The following FBLN2 variants were observed in gnomAD, a reference collection of about 807,000 sequenced individuals.
FBLN2 encodes fibulin-2.
Under a neutral mutation model 123.7 loss-of-function variants are expected in FBLN2, and 81 were observed. The observed-to-expected ratio is 0.65, with a 90% CI of 0.55 to 0.79. The LOEUF is 0.79. Among genes scored for constraint, FBLN2 ranks in the 30% least tolerant of loss-of-function variants. The pLI, the probability that FBLN2 is intolerant of heterozygous loss-of-function variation, is 0.00. For synonymous variants in FBLN2, 699 were observed against 701.4 expected, an observed-to-expected ratio of 1.00 and a Z score of 0.05; for missense variants, 1,603 against 1,681.3, an observed-to-expected ratio of 0.95 and a Z score of 0.81.
At chr3:13,571,919 C>T (rs550773629) in intron 2 of FBLN2, among the ~76,000 whole-genome samples, 5 of 152,160 alleles carry the variant, frequency 3.3e-5, no homozygotes, top group South Asian at 4.2e-4. Context: ...GGTAGGGCTG[C>T]GGTAGTGGTC....
At position 13,637,777 on chromosome 3, in the gene FBLN2, A is replaced by T; in HGVS notation, c.3554A>T (p.Tyr1185Phe). The T allele has an allele frequency of 1.2e-6, 2 of 1,613,928 alleles. No homozygotes were observed. The highest frequency in any genetic ancestry group is 8.5e-7 in the Non-Finnish European group (1 of 1,179,840). Residue 1185 changes from tyrosine (Y) to phenylalanine (F), a missense_variant, in exon 18 of 18, where the codon TAC becomes TTC. Coordinates refer to ENST00000404922, the MANE Select transcript of FBLN2 (RefSeq NM_001004019.2). ...TTTGGCACGCGCAGGCTCAATGCCTACACGGGTGTGGTCTACCTGCAGCGG... is the reference window on the plus strand; with the variant it reads ...TTTGGCACGCGCAGGCTCAATGCCTTCACGGGTGTGGTCTACCTGCAGCGG... ...GYFGTRRLNA[Y>F]TGVVYLQRAV...
chr3:13,554,279 A>T (rs1246008985), intron 1 of FBLN2, among the ~76,000 whole-genome samples: 1 of 152,080 alleles, frequency 6.6e-6, no homozygotes, highest in African/African-American at 2.4e-5. Context: ...AGACACCATC[A>T]TCTGTGTTGG....
At chr3:13,575,961 G>A (rs1704126726) in intron 2 of FBLN2, among the ~76,000 whole-genome samples, 1 of 152,180 alleles carries the variant, frequency 6.6e-6, no homozygotes, top group African/African-American at 2.4e-5. Context: ...CAGCTTGTTG[G>A]GAGGATCATA....
At chr3:13,563,289 G>C (rs1325495444) in intron 1 of FBLN2, among the ~76,000 whole-genome samples, 1 of 152,190 alleles carries the variant, frequency 6.6e-6, no homozygotes, top group Non-Finnish European at 1.5e-5. Context: ...TCACCTGGAG[G>C]TGCACATGTC....
At chr3:13,592,307 T>C (rs1460563982) in intron 2 of FBLN2, among the ~76,000 whole-genome samples, 2 of 152,046 alleles carry the variant, frequency 1.3e-5, no homozygotes, top group Non-Finnish European at 2.9e-5. Context: ...ATTACAGGCG[T>C]GAGCCACCAC....
At chr3:13,632,724 G>GT (rs1706298694) in intron 16 of FBLN2, among the ~76,000 whole-genome samples, 1 of 152,094 alleles carries the variant, frequency 6.6e-6, no homozygotes, top group Admixed American at 6.5e-5. Flanking sequence ...TATCAGAGTC[G>GT]TAAGTTAAGT....
rs1303039872 is a variant in FBLN2 at position 13,638,107 on chromosome 3, C to A, written c.*188C>A. ...GAAGTTCCACGGCAGGTGGTGCGTT[C>A]CCACGCAGGCACCAAGTGGAAGCTT... On this transcript the variant is annotated 3_prime_UTR_variant, in exon 18 of 18. Transcript: ENST00000404922. The A allele has an allele frequency of 1.5e-6, 1 of 672,902 alleles. No homozygotes were observed. Among genetic ancestry groups the A allele is most frequent in the Non-Finnish European group, 2.6e-6 (1 of 387,650 alleles). 41.7% of individuals were successfully genotyped at this position (672,902 alleles called of 1,614,324 possible).
Position 13,629,266 on chromosome 3 carries a change from G to A in FBLN2, c.2816G>A (p.Arg939Gln), listed in dbSNP as rs1435955983. 7 of 1,611,478 alleles carry A rather than the reference G, an allele frequency of 4.3e-6. No homozygotes were observed. In the African/African-American group the frequency reaches 5.3e-5, roughly 12 times the overall value. The change falls in exon 13 of 18, where the codon CGG becomes CAG. Residue 939 changes from arginine (R) to glutamine (Q), a missense_variant. By Grantham distance (43) the Arg-to-Gln change is conservative (BLOSUM62 1). Coordinates refer to ENST00000404922, the MANE Select transcript of FBLN2 (RefSeq NM_001004019.2). ...TGTGACTGCAAAGCCGGCTTTCAGC[G>A]GGATGCCTTTGGCCGGGGCTGCATC... ...YRCDCKAGFQ[R>Q]DAFGRGCIDV...
intron 5 of FBLN2, among the ~76,000 whole-genome samples, chr3:13,615,531 G>T (rs1303200011): frequency 2.0e-5 from 3 of 152,226 alleles, no homozygotes; most frequent in Non-Finnish European, 4.4e-5. Context: ...CCTGGGGCAG[G>T]TCACACAGAA....
At chr3:13,551,643 C>A (rs981250054) in intron 1 of FBLN2, among the ~76,000 whole-genome samples, 4 of 152,144 alleles carry the variant, frequency 2.6e-5, no homozygotes, top group African/African-American at 7.2e-5. Context: ...CTGAGCCCAT[C>A]CACACCTCAC....
intron 2 of FBLN2, among the ~76,000 whole-genome samples, chr3:13,572,076 C>T (rs964031276): frequency 4.5e-4 from 68 of 152,244 alleles, no homozygotes; most frequent in Admixed American, 7.8e-4. Context: ...GGCCTAGGAG[C>T]CTAGCATGGC....
chr3:13,578,324 G>A (rs1704213292), intron 2 of FBLN2, among the ~76,000 whole-genome samples: 1 of 152,126 alleles, frequency 6.6e-6, no homozygotes, highest in Admixed American at 6.6e-5. Context: ...ACTCCAGAAA[G>A]ACACCCACAT....
chr3:13,576,820 A>G (rs1022710366), intron 2 of FBLN2, among the ~76,000 whole-genome samples: 1 of 151,906 alleles, frequency 6.6e-6, no homozygotes, highest in Non-Finnish European at 1.5e-5. Flanking sequence ...AGAGAATATG[A>G]GAGGTATGGT....
intron 1 of FBLN2, among the ~76,000 whole-genome samples, chr3:13,552,131 G>T (rs886982797): frequency 6.6e-6 from 1 of 152,128 alleles, no homozygotes; most frequent in Non-Finnish European, 1.5e-5. Flanking sequence ...GCTGCTGGTG[G>T]ATTCTGGTTT....
chr3:13,614,493 TC>T (rs1221623850), intron 5 of FBLN2, among the ~76,000 whole-genome samples: 4 of 151,916 alleles, frequency 2.6e-5, no homozygotes, highest in African/African-American at 9.7e-5. Context: ...TGCACTTGTC[TC>T]CCACCCATCC....
At chr3:13,603,209 C>G (rs758495898) in intron 2 of FBLN2, among the ~76,000 whole-genome samples, 2 of 149,160 alleles carry the variant, frequency 1.3e-5, no homozygotes, top group Non-Finnish European at 3.0e-5. Context: ...CTACGCCTGG[C>G]CTCCTTTTTT....
intron 2 of FBLN2, among the ~76,000 whole-genome samples, chr3:13,587,294 T>A (rs1327176926): frequency 6.6e-6 from 1 of 152,138 alleles, no homozygotes; most frequent in African/African-American, 2.4e-5. Flanking sequence ...AAAATTAAAA[T>A]TTATAAAGTA....
chr3:13,583,605 C>A (rs551692244), intron 2 of FBLN2, among the ~76,000 whole-genome samples: 1 of 152,364 alleles, frequency 6.6e-6, no homozygotes, highest in South Asian at 2.1e-4. Flanking sequence ...CTGCACTCGC[C>A]CCCCTGCCCC....
chr3:13,600,706 C>T (rs865894401), intron 2 of FBLN2, among the ~76,000 whole-genome samples: 3 of 151,194 alleles, frequency 2.0e-5, no homozygotes, highest in African/African-American at 7.3e-5. Flanking sequence ...ACCTCCGCCT[C>T]ACGGGTTCAA....
Sources: allele counts gnomAD v4.1 joint callset (sites outside exome capture counted in the v4.1 genomes callset), GRCh38; gene constraint gnomAD v4.1.1; transcripts MANE v1.5; gene names NCBI Gene and HGNC (gene_info 2026-07-23, HGNC 2026-07-21).